The following MSR1 variants were observed in gnomAD, a reference collection of about 807,000 sequenced individuals.
The protein encoded by MSR1 is macrophage scavenger receptor types I and II.
In MSR1, 53 loss-of-function variants were observed where a neutral mutation model predicts 47.2. That is an observed-to-expected ratio of 1.12 (90% CI 0.90 to 1.41). The LOEUF (loss-of-function observed/expected upper bound fraction) is 1.41, where lower values mean the gene tolerates loss of function less well. Among genes scored for constraint, MSR1 ranks in the 40% most tolerant of loss-of-function variants. The probability of loss-of-function intolerance (pLI) is 0.00; values close to 1 mark genes in which losing one functional copy is unlikely to be tolerated. For synonymous variants in MSR1, 239 were observed against 185.6 expected, an observed-to-expected ratio of 1.29 and a Z score of -2.34; for missense variants, 786 against 546.9, an observed-to-expected ratio of 1.44 and a Z score of -4.36.
rs142451818 is a variant in MSR1, at chr8:16,182,359, C to A, written c.-4-4367G>T. 6.7e-3 allele frequency among the ~76,000 whole-genome samples: 1,020 copies of A among 152,220 alleles called. 11 individuals are homozygous for A. Among genetic ancestry groups the A allele is most frequent in the African/African-American group, 0.023 (936 of 41,532 alleles). ...CTGTAGACTTTATAAACATTGCACA[C>A]TTAAGCTACACTGAATGTATAAAAA... On this transcript the variant is annotated intron_variant, in intron 1 of 9. Coordinates refer to ENST00000262101, the MANE Select transcript of MSR1 (RefSeq NM_138715.3).
rs530994898 is a variant in MSR1 at position 16,169,003 on chromosome 8, G to A, written c.218-133C>T. On this transcript the variant is annotated intron_variant, in intron 3 of 9. Coordinates refer to ENST00000262101, the MANE Select transcript of MSR1 (RefSeq NM_138715.3). ...CATTTTGAATGCTAGGCTAAATCGA[G>A]TATTTTTTTTTAATCTACAACGTGT... is the stretch of plus-strand genomic sequence containing the variant. 2.0e-5 allele frequency: 18 copies of A among 903,660 alleles called. No homozygotes were observed. The Admixed American group carries it at 2.4e-4, about 12-fold the overall frequency. 56.0% of individuals were successfully genotyped at this position (903,660 alleles called of 1,614,324 possible). A position where few individuals can be genotyped will look rare whatever the true frequency, so the allele number is the denominator to read the frequency against.
chr8:16,167,239 G>C (rs1044155003), intron 4 of MSR1, among the ~76,000 whole-genome samples: 1 of 152,058 alleles, frequency 6.6e-6, no homozygotes, highest in Non-Finnish European at 1.5e-5. Context: ...CCTCATGTTT[G>C]GGTTCAAAAG....
chr8:16,126,506 C>T (rs933257566), intron 8 of MSR1, among the ~76,000 whole-genome samples: 1 of 152,052 alleles, frequency 6.6e-6, no homozygotes, highest in African/African-American at 2.4e-5. Flanking sequence ...AAAGTTCTCA[C>T]AACATGGCAA....
At chr8:16,145,784 T>A (rs1020289738) in intron 7 of MSR1, among the ~76,000 whole-genome samples, 1 of 152,100 alleles carries the variant, frequency 6.6e-6, no homozygotes, top group Non-Finnish European at 1.5e-5. Context: ...TACTTGAAAA[T>A]CTTTTCTCAC....
chr8:16,171,560 G>A (rs1311744950), intron 3 of MSR1, among the ~76,000 whole-genome samples: 2 of 152,092 alleles, frequency 1.3e-5, no homozygotes, highest in African/African-American at 4.8e-5. Flanking sequence ...TGGGTTGACA[G>A]CCTCATCCAT....
intron 8 of MSR1, among the ~76,000 whole-genome samples, chr8:16,139,120 G>A (rs1216225215): frequency 6.6e-6 from 1 of 152,102 alleles, no homozygotes; most frequent in African/African-American, 2.4e-5. Context: ...TTTGCAATCT[G>A]GTCACACTTG....
rs1799678249 is a variant in MSR1, at chr8:16,108,192, CTAGTAATAGCAA to C, written c.*1881_*1892del. ...CATAGTACTAGTACTAGTAATAGTA[CTAGTAATAGCAA>C]TAGTACTAGTACTAGCAATAGTACT... On this transcript the variant is annotated 3_prime_UTR_variant, in exon 10 of 10. Transcript: ENST00000262101. The C allele has an allele frequency of 7.0e-6, 1 of 142,582 alleles. No homozygotes were observed. The highest frequency in any genetic ancestry group is 2.6e-5 in the African/African-American group (1 of 38,576). 8.8% of individuals were successfully genotyped at this position (142,582 alleles called of 1,614,324 possible).
chr8:16,183,458 G>A (rs1801895870), intron 1 of MSR1, among the ~76,000 whole-genome samples: 1 of 148,938 alleles, frequency 6.7e-6, no homozygotes. Context: ...AGAATATGCT[G>A]AATATTCATA....
At chr8:16,168,362 A>G in intron 4 of MSR1, 96 bp downstream of exon 4, 2 of 1,238,106 alleles carry the variant, frequency 1.6e-6, no homozygotes, top group South Asian at 1.3e-5. Flanking sequence ...ATGATGAAAC[A>G]GGGTTTGCAA....
chr8:16,174,113 A>T (rs1801569681), intron 3 of MSR1, among the ~76,000 whole-genome samples: 1 of 152,216 alleles, frequency 6.6e-6, no homozygotes, highest in Non-Finnish European at 1.5e-5. Context: ...GAATAATTAC[A>T]GTCTCTGTAG....
chr8:16,187,637 T>A (rs1207479535), intron 1 of MSR1, among the ~76,000 whole-genome samples: 2 of 152,118 alleles, frequency 1.3e-5, no homozygotes, highest in Non-Finnish European at 2.9e-5. Context: ...ACATACATAA[T>A]GCCGTATTTA....
At position 16,109,879 on chromosome 8, in the gene MSR1, A is replaced by G. The variant is rs1799716915; in HGVS notation, c.*206T>C. 3 of 625,166 alleles carry G rather than the reference A, an allele frequency of 4.8e-6. No individual in the cohort carries two copies. Among genetic ancestry groups the G allele is most frequent in the Admixed American group, 6.1e-5 (2 of 32,988 alleles). 38.7% of individuals were successfully genotyped at this position (625,166 alleles called of 1,614,324 possible). On this transcript the variant is annotated 3_prime_UTR_variant, in exon 10 of 10. Coordinates refer to ENST00000262101, the MANE Select transcript of MSR1 (RefSeq NM_138715.3). ...GTCATTATATTAGAAAATTCCATTTAAAAACCTATAGAAGTTAAAATGATT... is the reference window on the plus strand; with the variant it reads ...GTCATTATATTAGAAAATTCCATTTGAAAACCTATAGAAGTTAAAATGATT...
chr8:16,175,472 C>A (rs141813358), intron 2 of MSR1, among the ~76,000 whole-genome samples, 172 bp from the exon 3 acceptor site: 167 of 152,268 alleles, frequency 1.1e-3, no homozygotes, highest in African/African-American at 3.9e-3. Context: ...ACAGGAAAAG[C>A]CAATCCAGGT....
At chr8:16,122,796 G>A (rs898244916) in intron 8 of MSR1, among the ~76,000 whole-genome samples, 23 of 150,512 alleles carry the variant, frequency 1.5e-4, no homozygotes, top group Admixed American at 8.6e-4. Flanking sequence ...GCCAAATTCC[G>A]TATGCTCAAG....
rs545401206 is a variant in MSR1 at position 16,166,697 on chromosome 8, C to T, written c.630+1761G>A. ...CCTCTATGGATGATGATAAATGCCA[C>T]CCCTGTCTTTCATTTGGTGCCAATG... On this transcript the variant is annotated intron_variant, in intron 4 of 9. Transcript: ENST00000262101. Among the ~76,000 whole-genome samples the T allele has an allele frequency of 5.9e-5, 9 of 152,172 alleles. No homozygotes were observed. The South Asian group carries it at 6.2e-4, about 11-fold the overall frequency.
intron 3 of MSR1, among the ~76,000 whole-genome samples, chr8:16,174,050 G>T (rs1801567743): frequency 6.6e-6 from 1 of 152,154 alleles, no homozygotes; most frequent in South Asian, 2.1e-4. Context: ...AGTCTTGGAT[G>T]GGAACTCCAG....
chr8:16,110,888 TG>T (rs1192875791), intron 9 of MSR1, among the ~76,000 whole-genome samples: 2 of 152,134 alleles, frequency 1.3e-5, no homozygotes, highest in Non-Finnish European at 2.9e-5. Context: ...GCTGATCAAT[TG>T]TAAGAGTGTT....
intron 6 of MSR1, among the ~76,000 whole-genome samples, 166 bp from the exon 7 acceptor site, chr8:16,150,477 G>A (rs73665216): frequency 6.6e-6 from 1 of 151,830 alleles, no homozygotes; most frequent in African/African-American, 2.4e-5. Flanking sequence ...AAAAACAATA[G>A]AAGCGATAAA....
At chr8:16,188,916 G>C (rs1032636751) in intron 1 of MSR1, among the ~76,000 whole-genome samples, 2 of 149,386 alleles carry the variant, frequency 1.3e-5, no homozygotes, top group African/African-American at 4.9e-5. Flanking sequence ...ATCACTGAGG[G>C]ACATTTGGGT....
Sources: gnomAD v4.1 joint callset for allele counts (sites outside exome capture counted in the v4.1 genomes callset) on GRCh38, gnomAD v4.1.1 for gene constraint, MANE v1.5 for transcripts, NCBI Gene and HGNC (gene_info 2026-07-23, HGNC 2026-07-21) for gene names.